Variants in ETV1 observed in about 807,000 individuals in gnomAD.
ETV1 encodes the protein ETS translocation variant 1.
A neutral mutation model predicts 62.3 loss-of-function variants in ETV1; 27 were observed. That is an observed-to-expected ratio of 0.43 (90% CI 0.32 to 0.60). The LOEUF (loss-of-function observed/expected upper bound fraction) is 0.60, where lower values mean the gene tolerates loss of function less well. ETV1 is among the 20% of genes least tolerant of loss of function. The probability of loss-of-function intolerance (pLI) is 0.06; values close to 1 mark genes in which losing one functional copy is unlikely to be tolerated. For synonymous variants in ETV1, 222 were observed against 199.6 expected (o/e 1.11, Z -0.94); for missense variants, 605 against 605.8 (o/e 1.00, Z 0.01).
chr7:13,891,500 T>A lies in ETV1; in HGVS notation c.*4366A>T, dbSNP rs967018766. On this transcript the variant is annotated 3_prime_UTR_variant, in exon 14 of 14. Coordinates refer to ENST00000430479, the MANE Select transcript of ETV1 (RefSeq NM_004956.5). ...ACACTTGTAACTGAAAATTCTGAAA[T>A]CATTAATATTTCTATAAAGATATCC... 6 of 231,600 alleles carry A rather than the reference T, an allele frequency of 2.6e-5. No individual in the cohort carries two copies. The highest frequency in any genetic ancestry group is 6.6e-5 in the African/African-American group (3 of 45,252). The allele number at this position is 231,600 out of a possible 1,614,324, so 14.3% of individuals were successfully genotyped here.
At chr7:13,931,771 T>G (rs376608641) in intron 8 of ETV1, 22 bp from the exon 9 acceptor site, 36 of 1,609,926 alleles carry the variant, frequency 2.2e-5, no homozygotes, top group Non-Finnish European at 2.9e-5. Flanking sequence ...GAGAGTGTGT[T>G]TCAGATGAAA....
At chr7:13,957,566 G>C (rs532652501) in intron 6 of ETV1, among the ~76,000 whole-genome samples, 1 of 152,270 alleles carries the variant, frequency 6.6e-6, no homozygotes, top group Admixed American at 6.5e-5. Context: ...CAATACAATG[G>C]TGGAAACTTG....
chr7:13,913,700 G>A (rs1487123630), intron 9 of ETV1, among the ~76,000 whole-genome samples: 1 of 151,942 alleles, frequency 6.6e-6, no homozygotes, highest in East Asian at 1.9e-4. Context: ...ATCTTACTCT[G>A]CTGTTCTTAA....
intron 6 of ETV1, among the ~76,000 whole-genome samples, chr7:13,972,208 C>T (rs79167244): frequency 0.023 from 3,522 of 152,170 alleles, 56 homozygotes; most frequent in Non-Finnish European, 0.037. Flanking sequence ...AGGAGGCCGA[C>T]TTGAGCAGAT....
chr7:13,926,074 T>C (rs1018986772), intron 9 of ETV1, among the ~76,000 whole-genome samples: 4 of 152,188 alleles, frequency 2.6e-5, no homozygotes, highest in Non-Finnish European at 5.9e-5. Flanking sequence ...ATTAAATATT[T>C]TTCAAAAATC....
At chr7:13,988,716 A>G (rs1782794558) in intron 3 of ETV1, 3 of 1,612,570 alleles carry the variant, frequency 1.9e-6, no homozygotes, top group Non-Finnish European at 2.5e-6. Context: ...ACCCAGCCAA[A>G]AACTTTGAGT....
intron 3 of ETV1, chr7:13,988,393 A>G (rs1298915014): frequency 6.9e-6 from 4 of 582,854 alleles, no homozygotes; most frequent in African/African-American, 5.6e-5. Context: ...GTTGCTTCCC[A>G]GTGCCGATCT....
At chr7:13,900,687 A>G in intron 13 of ETV1, 51 bp downstream of exon 13, 1 of 1,256,062 alleles carries the variant, frequency 8.0e-7, no homozygotes, top group Non-Finnish European at 1.1e-6. Context: ...TATGATGTTC[A>G]GATTAATGTG....
intron 6 of ETV1, among the ~76,000 whole-genome samples, chr7:13,965,710 G>C (rs946841831): frequency 6.6e-6 from 1 of 152,068 alleles, no homozygotes; most frequent in Non-Finnish European, 1.5e-5. Flanking sequence ...GGTGAGATAG[G>C]AGTATCTAAT....
At chr7:13,953,578 G>A (rs1392658158) in intron 6 of ETV1, among the ~76,000 whole-genome samples, 7 of 151,956 alleles carry the variant, frequency 4.6e-5, no homozygotes, top group Admixed American at 1.3e-4. Context: ...GGAATGCTAC[G>A]GCAGATGGGC....
chr7:13,915,594 G>T (rs769079232), intron 9 of ETV1, among the ~76,000 whole-genome samples: 1 of 152,162 alleles, frequency 6.6e-6, no homozygotes, highest in Non-Finnish European at 1.5e-5. Flanking sequence ...TTACAAGGAT[G>T]CATAGATTAC....
intron 13 of ETV1, 37 bp downstream of exon 13, chr7:13,900,701 C>A (rs778383537): frequency 7.3e-7 from 1 of 1,375,924 alleles, no homozygotes; most frequent in East Asian, 2.4e-5. Context: ...TAATGTGCAA[C>A]ATTTCAATGA....
chr7:13,921,016 T>A (rs1784784597), intron 9 of ETV1, among the ~76,000 whole-genome samples: 1 of 152,198 alleles, frequency 6.6e-6, no homozygotes, highest in Non-Finnish European at 1.5e-5. Flanking sequence ...ACTGGATGTG[T>A]AAAAGAAAAT....
intron 8 of ETV1, among the ~76,000 whole-genome samples, chr7:13,932,591 G>A (rs1786316852): frequency 6.6e-6 from 1 of 152,160 alleles, no homozygotes; most frequent in Non-Finnish European, 1.5e-5. Context: ...TGAGTCCTAT[G>A]CCTCTTTGTT....
intron 6 of ETV1, among the ~76,000 whole-genome samples, chr7:13,939,931 C>G (rs1212536652): frequency 1.3e-5 from 2 of 152,146 alleles, no homozygotes; most frequent in African/African-American, 4.8e-5. Flanking sequence ...ATGTTTTCAC[C>G]TTTTTACTGT....
chr7:13,989,853 G>T (rs1424519802), upstream of ETV1: 6 of 362,500 alleles, frequency 1.7e-5, no homozygotes, highest in African/African-American at 1.0e-4. Context: ...GGGGTGCTCG[G>T]CCGGTAGGCG....
At chr7:13,972,261 A>G (rs977157732) in intron 6 of ETV1, among the ~76,000 whole-genome samples, 1 of 151,956 alleles carries the variant, frequency 6.6e-6, no homozygotes, top group African/African-American at 2.4e-5. Context: ...GCAAAACCCC[A>G]TCTCTCTATA....
At chr7:13,963,639 G>T (rs1490762734) in intron 6 of ETV1, among the ~76,000 whole-genome samples, 2 of 151,750 alleles carry the variant, frequency 1.3e-5, no homozygotes, top group African/African-American at 4.8e-5. Flanking sequence ...TCTAAGAAAA[G>T]AATGTTATAT....
At chr7:13,904,707 A>C (rs1479668479) in intron 12 of ETV1, among the ~76,000 whole-genome samples, 1 of 152,092 alleles carries the variant, frequency 6.6e-6, no homozygotes, top group Non-Finnish European at 1.5e-5. Context: ...GAAAGTGCTC[A>C]GTTCCAGCAT....
Sources: gnomAD v4.1 joint callset for allele counts (sites outside exome capture counted in the v4.1 genomes callset) on GRCh38, gnomAD v4.1.1 for gene constraint, MANE v1.5 for transcripts, NCBI Gene and HGNC (gene_info 2026-07-23, HGNC 2026-07-21) for gene names.